Variants in TJP2 observed in about 807,000 individuals in gnomAD.
TJP2 encodes the protein tight junction protein 2.
A neutral mutation model predicts 133.1 loss-of-function variants in TJP2; 91 were observed. That is an observed-to-expected ratio of 0.68 (90% CI 0.58 to 0.81). The LOEUF (loss-of-function observed/expected upper bound fraction) is 0.81, where lower values mean the gene tolerates loss of function less well. TJP2 is among the 40% of genes least tolerant of loss of function. TJP2 has a pLI of 0.00. For synonymous variants in TJP2, 592 were observed against 583.4 expected (o/e 1.01, Z -0.21); for missense variants, 1,541 against 1,565.6 (o/e 0.98, Z 0.26).
At chr9:69,242,683 G>C (rs1171865877) in intron 17 of TJP2, among the ~76,000 whole-genome samples, 1 of 152,144 alleles carries the variant, frequency 6.6e-6, no homozygotes, top group Non-Finnish European at 1.5e-5. Context: ...TACTCTTCCA[G>C]ACTTCAAAGT....
chr9:69,219,629 T>C (rs1828656174), intron 4 of TJP2, among the ~76,000 whole-genome samples: 1 of 152,040 alleles, frequency 6.6e-6, no homozygotes, highest in South Asian at 2.1e-4. Flanking sequence ...TTGTTGTGTT[T>C]CCCAGGCTGA....
chr9:69,218,146 C>T (rs2133250677), intron 3 of TJP2, 111 bp from the exon 4 acceptor site: 1 of 894,160 alleles, frequency 1.1e-6, no homozygotes, highest in Non-Finnish European at 1.8e-6. Flanking sequence ...GACACTGAGC[C>T]CTTTAGAAAG....
intron 2 of TJP2, among the ~76,000 whole-genome samples, chr9:69,155,364 C>G (rs1236235136): frequency 6.6e-6 from 1 of 152,146 alleles, no homozygotes; most frequent in African/African-American, 2.4e-5. Context: ...CCTCGGTTTA[C>G]AGGAATTCTC....
At chr9:69,154,508 GC>G (rs1332418429) in intron 2 of TJP2, among the ~76,000 whole-genome samples, 1 of 152,028 alleles carries the variant, frequency 6.6e-6, no homozygotes, top group Non-Finnish European at 1.5e-5. Context: ...TTCTGACTTG[GC>G]AGGATCATCT....
intron 2 of TJP2, among the ~76,000 whole-genome samples, chr9:69,165,130 G>A (rs1824281023): frequency 6.6e-6 from 1 of 151,944 alleles, no homozygotes; most frequent in Non-Finnish European, 1.5e-5. Context: ...GCGCCTGGCT[G>A]GATTCTTTCT....
chr9:69,163,788 A>T (rs965066536), intron 2 of TJP2, among the ~76,000 whole-genome samples: 2 of 152,064 alleles, frequency 1.3e-5, no homozygotes, highest in Admixed American at 1.3e-4. Flanking sequence ...GCAAATAATT[A>T]TTTTTTTAAA....
chr9:69,187,093 C>T (rs1008644866), intron 1 of TJP2, among the ~76,000 whole-genome samples: 1 of 152,118 alleles, frequency 6.6e-6, no homozygotes, highest in Non-Finnish European at 1.5e-5. Context: ...TATTTTTGCT[C>T]CTTTTTACTA....
upstream of TJP2, chr9:69,121,385 C>A (rs144215331): frequency 5.1e-6 from 5 of 977,980 alleles, no homozygotes; most frequent in Non-Finnish European, 6.1e-6. Context: ...GCCGCCCACC[C>A]CCTTCCCCTC....
chr9:69,138,264 G>A (rs138750954), intron 1 of TJP2, among the ~76,000 whole-genome samples: 296 of 152,244 alleles, frequency 1.9e-3, no homozygotes, highest in African/African-American at 6.7e-3. Flanking sequence ...GAGTTTGGAT[G>A]GATTTGGCTT....
chr9:69,198,872 A>G lies in TJP2; in HGVS notation c.61-13676A>G, dbSNP rs189311713. ...GGTGGCAACTAGTTTATTGCTACCA[A>G]GAGGGGTTTAAGTTTGAATAGACCA... On this transcript the variant is annotated intron_variant, in intron 1 of 22. Transcript: ENST00000377245. Among the ~76,000 whole-genome samples the G allele has an allele frequency of 2.8e-3, 428 of 152,380 alleles. 4 individuals carry two copies. Among genetic ancestry groups the G allele is most frequent in the African/African-American group, 9.6e-3 (400 of 41,600 alleles).
At chr9:69,223,351 A>G (rs1243733943) in intron 5 of TJP2, among the ~76,000 whole-genome samples, 7 of 152,072 alleles carry the variant, frequency 4.6e-5, no homozygotes, top group African/African-American at 1.7e-4. Context: ...TCTTTCGCCC[A>G]GGGTGGAGTG....
chr9:69,168,848 G>A (rs1824512967), intron 2 of TJP2, among the ~76,000 whole-genome samples: 1 of 149,186 alleles, frequency 6.7e-6, no homozygotes. Context: ...ATAACTAAAA[G>A]TGAAAGCATA....
intron 1 of TJP2, among the ~76,000 whole-genome samples, chr9:69,181,084 G>A (rs1469981461): frequency 6.6e-6 from 1 of 152,036 alleles, no homozygotes; most frequent in Non-Finnish European, 1.5e-5. Context: ...GTAGATGATC[G>A]TTTGTTAGAA....
At chr9:69,187,100 A>G (rs1588003995) in intron 1 of TJP2, among the ~76,000 whole-genome samples, 1 of 152,192 alleles carries the variant, frequency 6.6e-6, no homozygotes, top group African/African-American at 2.4e-5. Context: ...GCTCCTTTTT[A>G]CTACCACAGA....
Position 69,230,413 on chromosome 9 carries a change from A to G in TJP2, c.1671+181A>G, listed in dbSNP as rs3750550. Among the ~76,000 whole-genome samples, 324 of 152,308 alleles carry G rather than the reference A, an allele frequency of 2.1e-3. 4 individuals are homozygous for G. In the East Asian group the frequency reaches 0.029, roughly 14 times the overall value. On this transcript the variant is annotated intron_variant, in intron 11 of 22. Transcript: ENST00000377245. ...ATGCGTCCTGTCTTCTCAGTCTTGG[A>G]ACCCAGAACTCATCCATGTATCTGT...
chr9:69,175,850 C>A (rs1349714413), intron 1 of TJP2, among the ~76,000 whole-genome samples: 1 of 152,088 alleles, frequency 6.6e-6, no homozygotes, highest in Non-Finnish European at 1.5e-5. Flanking sequence ...TATTTCTTTT[C>A]AGAGCTACTT....
chr9:69,187,663 G>T (rs1383303685), intron 1 of TJP2, among the ~76,000 whole-genome samples: 2 of 152,232 alleles, frequency 1.3e-5, no homozygotes, highest in African/African-American at 2.4e-5. Context: ...TGTGTTTTCA[G>T]TGAGGGTCTA....
At chr9:69,145,955 T>C in intron 1 of TJP2, 1 of 436,240 alleles carries the variant, frequency 2.3e-6, no homozygotes, top group East Asian at 3.6e-5. Context: ...TTGTTTCTTC[T>C]TGGTGGAGAA....
intron 1 of TJP2, among the ~76,000 whole-genome samples, chr9:69,211,382 A>G (rs1379808054): frequency 1.3e-5 from 2 of 152,220 alleles, no homozygotes; most frequent in Non-Finnish European, 2.9e-5. Flanking sequence ...CACATATTAT[A>G]GATACTCCAT....
Sources: gnomAD v4.1 joint callset for allele counts (sites outside exome capture counted in the v4.1 genomes callset) on GRCh38, gnomAD v4.1.1 for gene constraint, MANE v1.5 for transcripts, NCBI Gene and HGNC (gene_info 2026-07-23, HGNC 2026-07-21) for gene names.